TSC22D4: variants seen among roughly 807,000 people sequenced by gnomAD.
TSC22D4 encodes the protein TSC22 domain family protein 4.
In TSC22D4, 5 loss-of-function variants were observed where a neutral mutation model predicts 24.9. The observed-to-expected ratio is 0.20, with a 90% CI of 0.10 to 0.42. The LOEUF is 0.42. TSC22D4 is among the 10% of genes least tolerant of loss of function. The probability of loss-of-function intolerance (pLI) is 1.00; values close to 1 mark genes in which losing one functional copy is unlikely to be tolerated. For missense variants in TSC22D4, 469 were observed against 547.9 expected (o/e 0.86, Z 1.44); for synonymous variants, 245 against 243.2 (o/e 1.01, Z -0.07).
intron 3 of TSC22D4, among the ~76,000 whole-genome samples, chr7:100,472,393 T>C (rs1299021000): frequency 7.4e-6 from 1 of 134,456 alleles, no homozygotes; most frequent in Non-Finnish European, 1.6e-5. Context: ...ACCGGTCAGA[T>C]TGGGGTGTGC....
Position 100,474,568 on chromosome 7 carries a change from GT to G in TSC22D4, c.763-129del, listed in dbSNP as rs1455409943. The stretch of plus-strand genomic sequence containing the variant: ...TCTCTTTCGAGGACCCAGGAGTCCT[GT>G]CCCCGCAGTCCTTCCCTCCTCCAGC... On this transcript the variant is annotated intron_variant, in intron 2 of 4. Coordinates refer to ENST00000300181, the MANE Select transcript of TSC22D4 (RefSeq NM_030935.5). The surrounding 1 kb of genome is among the most constrained non-coding windows in gnomAD (Gnocchi z 4.3). The G allele has an allele frequency of 5.6e-6, 6 of 1,072,492 alleles. No individual in the cohort carries two copies. In the Admixed American group the frequency reaches 1.5e-4, roughly 27 times the overall value. The allele number at this position is 1,072,492 out of a possible 1,614,324, so 66.4% of individuals were successfully genotyped here.
At position 100,476,396 on chromosome 7, in the gene TSC22D4, C is replaced by T. The variant is rs944115002; in HGVS notation, c.762+881G>A. 1.9e-4 allele frequency among the ~76,000 whole-genome samples: 29 copies of T among 151,984 alleles called. 1 individual carries two copies. The highest frequency in any genetic ancestry group is 6.8e-4 in the African/African-American group (28 of 41,350). On this transcript the variant is annotated intron_variant, in intron 2 of 4. Coordinates refer to ENST00000300181, the MANE Select transcript of TSC22D4 (RefSeq NM_030935.5). The stretch of plus-strand genomic sequence containing the variant: ...CCAAGGCCAGGAAGGGGAAAGAGTT[C>T]GCATCCTCACACTCCCTGCCTTTCC...
Position 100,477,741 on chromosome 7 carries a change from G to T in TSC22D4, c.298C>A (p.Leu100Met). The change falls in exon 2 of 5, where the codon CTG becomes ATG. Residue 100 changes from leucine to methionine, a missense_variant. By Grantham distance (15) the Leu-to-Met change is conservative (BLOSUM62 2). Coordinates refer to ENST00000300181, the MANE Select transcript of TSC22D4 (RefSeq NM_030935.5). This position sits in a 1 kb window ranked among gnomAD's most constrained non-coding sequence, Gnocchi z 7.8. The part of the protein sequence containing the change: ...WTCVDVYERD[L>M]EPHSFGGLLE... Reference sequence around the variant, plus strand: ...AGTCCGCCGAAGCTGTGGGGCTCCAGGTCTCGCTCATAAACATCCACACAC... The same window carrying T: ...AGTCCGCCGAAGCTGTGGGGCTCCATGTCTCGCTCATAAACATCCACACAC... 1.2e-6 allele frequency: 2 copies of T among 1,603,252 alleles called. No homozygotes were observed.
In TSC22D4 at chr7:100,477,751, A is replaced by G; in HGVS notation, c.288T>C (p.Tyr96=). The change falls in exon 2 of 5, where the codon TAT becomes TAC. Residue 96 remains tyrosine, a synonymous_variant. Transcript: ENST00000300181. The surrounding 1 kb of genome is among the most constrained non-coding windows in gnomAD (Gnocchi z 7.8). ...AGCTGTGGGGCTCCAGGTCTCGCTC[A>G]TAAACATCCACACACGTCCAGCGAC... ...RRGRWTCVDV[Y]ERDLEPHSFG... is the part of the protein sequence containing the mutation. The G allele has an allele frequency of 6.2e-7, 1 of 1,604,404 alleles. No individual in the cohort carries two copies. Among genetic ancestry groups the G allele is most frequent in the Non-Finnish European group, 8.5e-7 (1 of 1,179,800 alleles).
intron 4 of TSC22D4, 95 bp downstream of exon 4, chr7:100,467,457 A>G: frequency 7.5e-7 from 1 of 1,335,582 alleles, no homozygotes; most frequent in Non-Finnish European, 1.1e-6. Flanking sequence ...AGGAGCTGGG[A>G]GTTGGTGTTC....
intron 3 of TSC22D4, among the ~76,000 whole-genome samples, chr7:100,469,795 G>C (rs1293600935): frequency 1.3e-5 from 2 of 152,158 alleles, no homozygotes; most frequent in African/African-American, 4.8e-5. Context: ...TTCCTGCAGG[G>C]GGATCAGCAC....
At chr7:100,478,348 A>AGT (rs1419924992) in intron 1 of TSC22D4, 41 bp from the exon 2 acceptor site, 140 of 224,256 alleles carry the variant, frequency 6.2e-4, no homozygotes, top group African/African-American at 9.4e-4. Context: ...AGAGAGAGAG[A>AGT]GAGTGTGTGT....
At chr7:100,472,021 G>A (rs2131045741) in intron 3 of TSC22D4, among the ~76,000 whole-genome samples, 1 of 151,944 alleles carries the variant, frequency 6.6e-6, no homozygotes, top group South Asian at 2.1e-4. Context: ...TGCCGGGAGG[G>A]GACAAGGATT....
At position 100,478,044 on chromosome 7, in the gene TSC22D4, C is replaced by A; in HGVS notation, c.-6G>T. ...TTCTTCTTGCCCCCGCTCATGGTCC[C>A]TGGGGCTCAGGGCTGGGCCAAGGTT... is the stretch of plus-strand genomic sequence containing the variant. On this transcript the variant is annotated 5_prime_UTR_variant, in exon 2 of 5. The change creates a new upstream start codon in the 5' untranslated region. Coordinates refer to ENST00000300181, the MANE Select transcript of TSC22D4 (RefSeq NM_030935.5). The A allele has an allele frequency of 6.3e-7, 1 of 1,585,666 alleles. No homozygotes were observed.
At chr7:100,470,822 A>T (rs1799377916) in intron 3 of TSC22D4, among the ~76,000 whole-genome samples, 1 of 152,126 alleles carries the variant, frequency 6.6e-6, no homozygotes, top group South Asian at 2.1e-4. Flanking sequence ...CTTCTTCGAG[A>T]TCCTTAATGC....
Position 100,477,185 on chromosome 7 carries a change from A to AGGGGGGGG in TSC22D4, c.762+91_762+92insCCCCCCCC, listed in dbSNP as rs1799512001. The AGGGGGGGG allele has an allele frequency of 9.5e-7, 1 of 1,055,172 alleles. No individual in the cohort carries two copies. The highest frequency in any genetic ancestry group is 1.9e-5 in the African/African-American group (1 of 53,158). 65.4% of individuals were successfully genotyped at this position (1,055,172 alleles called of 1,614,324 possible). A position where few individuals can be genotyped will look rare whatever the true frequency, so the allele number is the denominator to read the frequency against. ...ATCTGATCTTATAAAGTGATGGAGAAGGAGGAGGAGAGGGGGGGGAGGAGG... is the reference window on the plus strand; with the variant it reads ...ATCTGATCTTATAAAGTGATGGAGAAGGGGGGGGGGAGGAGGAGAGGGGGGGGAGGAGG... On this transcript the variant is annotated intron_variant, in intron 2 of 4. Coordinates refer to ENST00000300181, the MANE Select transcript of TSC22D4 (RefSeq NM_030935.5). This position sits in a 1 kb window ranked among gnomAD's most constrained non-coding sequence, Gnocchi z 7.8.
At chr7:100,467,440 G>C in intron 4 of TSC22D4, 112 bp downstream of exon 4, 2 of 1,206,114 alleles carry the variant, frequency 1.7e-6, no homozygotes, top group African/African-American at 3.0e-5. Flanking sequence ...AGCAGGGAGA[G>C]GGACGGAGGA....
At chr7:100,469,227 T>TAAAAA (rs57659736) in intron 3 of TSC22D4, among the ~76,000 whole-genome samples, 4 of 130,350 alleles carry the variant, frequency 3.1e-5, no homozygotes, top group African/African-American at 1.2e-4. Context: ...AACTCTGTCT[T>TAAAAA]AAAAAAAAAA....
At chr7:100,472,151 C>T (rs1472337776) in intron 3 of TSC22D4, among the ~76,000 whole-genome samples, 3 of 152,152 alleles carry the variant, frequency 2.0e-5, no homozygotes, top group Non-Finnish European at 4.4e-5. Flanking sequence ...CACTGAACAT[C>T]TCAGCCCACC....
intron 3 of TSC22D4, among the ~76,000 whole-genome samples, chr7:100,468,384 C>A (rs1176604177): frequency 2.0e-5 from 3 of 152,110 alleles, no homozygotes; most frequent in Non-Finnish European, 4.4e-5. Flanking sequence ...AGGCCCCTCG[C>A]CACCTCCGAC....
At chr7:100,467,691 G>T in intron 3 of TSC22D4, 91 bp from the exon 4 acceptor site, 1 of 1,249,314 alleles carries the variant, frequency 8.0e-7, no homozygotes, top group Non-Finnish European at 1.2e-6. Context: ...ACACCCCCCT[G>T]TACCTGTGAC....
chr7:100,472,683 A>G (rs1219329073), intron 3 of TSC22D4, among the ~76,000 whole-genome samples: 1 of 152,004 alleles, frequency 6.6e-6, no homozygotes, highest in Non-Finnish European at 1.5e-5. Flanking sequence ...TGGGGCGTGC[A>G]GAAGCCACCC....
chr7:100,473,558 C>T (rs1799432325), intron 3 of TSC22D4, among the ~76,000 whole-genome samples: 1 of 151,896 alleles, frequency 6.6e-6, no homozygotes, highest in South Asian at 2.1e-4. Flanking sequence ...TCTCCTGCCT[C>T]AGCCTCCTGA....
chr7:100,467,462 G>T, intron 4 of TSC22D4, 90 bp downstream of exon 4: 1 of 1,394,266 alleles, frequency 7.2e-7, no homozygotes. Flanking sequence ...CTGGGAGTTG[G>T]TGTTCCCTGG....
Sources: gnomAD v4.1 joint callset for allele counts (sites outside exome capture counted in the v4.1 genomes callset) on GRCh38, gnomAD v4.1.1 for gene constraint, Gnocchi (gnomAD v3.1) non-coding constraint, MANE v1.5 for transcripts, NCBI Gene and HGNC (gene_info 2026-07-23, HGNC 2026-07-21) for gene names.